Variants in CCR1 observed in about 807,000 individuals in gnomAD.
The protein encoded by CCR1 is C-C chemokine receptor type 1.
Under a neutral mutation model 0.3 loss-of-function variants are expected in CCR1, and 1 was observed. That is an observed-to-expected ratio of 3.70 (90% CI 1.31 to 17.54). The LOEUF is 17.54. CCR1 is among the 30% of genes most tolerant of loss of function. The pLI is 0.11. For synonymous variants in CCR1, 207 were observed against 182.5 expected (o/e 1.13, Z -1.08); for missense variants, 349 against 435.4 (o/e 0.80, Z 1.77).
rs146488613 is a variant in CCR1, at chr3:46,203,957, G to A, written c.357C>T (p.Ser119=). 149 of 1,614,128 alleles carry A rather than the reference G, an allele frequency of 9.2e-5. 1 individual carries two copies. The highest frequency in any genetic ancestry group is 6.6e-4 in the Middle Eastern group (4 of 6,062). Residue 119 remains serine (S), a synonymous_variant, in exon 2 of 2, where the codon AGC becomes AGT. Coordinates refer to ENST00000296140, the MANE Select transcript of CCR1 (RefSeq NM_001295.3). The surrounding 1 kb of genome is among the most constrained non-coding windows in gnomAD (Gnocchi z 4.5). ...LSGFYYTGLY[S]EIFFIILLTI... is the part of the protein sequence containing the mutation. ...TCAGCAGGATGATGAAAAAGATCTCGCTGTACAAGCCTGTGTAATAAAACC... is the reference window on the plus strand; with the variant it reads ...TCAGCAGGATGATGAAAAAGATCTCACTGTACAAGCCTGTGTAATAAAACC...
chr3:46,205,312 G>A (rs908138425), intron 1 of CCR1, among the ~76,000 whole-genome samples: 1 of 152,166 alleles, frequency 6.6e-6, no homozygotes, highest in Admixed American at 6.5e-5. Context: ...GGAGAGGAAA[G>A]TGCAGGCAGA....
chr3:46,203,488 T>A lies in CCR1; in HGVS notation c.826A>T (p.Ser276Cys). ...TGCACAGCCAGGTCCAAATGTCTGC[T>A]CTGCTCACACTCATGGGTGAACAGG... is the stretch of plus-strand genomic sequence containing the variant. ...DFLFTHECEQ[S>C]RHLDLAVQVT... Residue 276 changes from serine (S) to cysteine (C), a missense_variant, in exon 2 of 2, where the codon AGC (serine) becomes TGC (cysteine). Coordinates refer to ENST00000296140, the MANE Select transcript of CCR1 (RefSeq NM_001295.3). The surrounding 1 kb of genome is among the most constrained non-coding windows in gnomAD (Gnocchi z 4.5). 6.2e-7 allele frequency: 1 copy of A among 1,614,154 alleles called. No individual in the cohort carries two copies. The highest frequency in any genetic ancestry group is 8.5e-7 in the Non-Finnish European group (1 of 1,180,002).
rs1699623769 is a variant in CCR1, at chr3:46,203,992, T to C, written c.322A>G (p.Ile108Val). 6.2e-7 allele frequency: 1 copy of C among 1,614,092 alleles called. No individual in the cohort carries two copies. Among genetic ancestry groups the C allele is most frequent in the Non-Finnish European group, 8.5e-7 (1 of 1,180,028 alleles). ...DWVFGDAMCK[I>V]LSGFYYTGLY... ...CCTGTGTAATAAAACCCAGAGAGGA[T>C]CTTACACATGGCATCACCAAAAACC... The change falls in exon 2 of 2, where the codon ATC becomes GTC. Residue 108 changes from isoleucine to valine, a missense_variant. Physicochemically the swap from Ile to Val is conservative, Grantham distance 29 (BLOSUM62 3). Coordinates refer to ENST00000296140, the MANE Select transcript of CCR1 (RefSeq NM_001295.3). The surrounding 1 kb of genome is among the most constrained non-coding windows in gnomAD (Gnocchi z 4.5).
chr3:46,206,760 G>T (rs1271064748), intron 1 of CCR1, among the ~76,000 whole-genome samples: 1 of 152,150 alleles, frequency 6.6e-6, no homozygotes, highest in Non-Finnish European at 1.5e-5. Flanking sequence ...ATCTGGGGTG[G>T]GGCCCGAGAA....
In CCR1 at chr3:46,204,164, A is replaced by T; in HGVS notation, c.150T>A (p.Val50=). 1.2e-6 allele frequency: 2 copies of T among 1,614,122 alleles called. No homozygotes were observed. Among genetic ancestry groups the T allele is most frequent in the Non-Finnish European group, 1.7e-6 (2 of 1,180,024 alleles). The change falls in exon 2 of 2, where the codon GTT becomes GTA. Residue 50 remains valine (V), a synonymous_variant. Coordinates refer to ENST00000296140, the MANE Select transcript of CCR1 (RefSeq NM_001295.3). ...LYSLVFVIGL[V]GNILVVLVLV... ...GGACCAGGACCACCAGGATGTTTCCAACCAGGCCAATGACAAATACCAAGG... is the reference window on the plus strand; with the variant it reads ...GGACCAGGACCACCAGGATGTTTCCTACCAGGCCAATGACAAATACCAAGG...
At position 46,203,909 on chromosome 3, in the gene CCR1, G is replaced by A. The variant is rs201656427; in HGVS notation, c.405C>T (p.Ile135=). Residue 135 remains isoleucine (I), a synonymous_variant, in exon 2 of 2, where the codon ATC becomes ATT. Transcript: ENST00000296140. The surrounding 1 kb of genome is among the most constrained non-coding windows in gnomAD (Gnocchi z 4.5). Reference sequence around the variant, plus strand: ...CCCGCAAGGCAAACACGGCGTGGACGATGGCCAGGTACCTGTCAATCGTCA... The same window carrying A: ...CCCGCAAGGCAAACACGGCGTGGACAATGGCCAGGTACCTGTCAATCGTCA... The part of the protein sequence containing the change: ...ILLTIDRYLA[I]VHAVFALRAR... The A allele has an allele frequency of 3.7e-6, 6 of 1,614,182 alleles. No individual in the cohort carries two copies. The highest frequency in any genetic ancestry group is 1.7e-4 in the Middle Eastern group (1 of 6,060).
chr3:46,207,583 C>T (rs1699657544), intron 1 of CCR1, among the ~76,000 whole-genome samples: 1 of 152,144 alleles, frequency 6.6e-6, no homozygotes, highest in Non-Finnish European at 1.5e-5. Flanking sequence ...TAATATTTCC[C>T]TCTTGCTATA....
chr3:46,207,703 G>C (rs1699658628), intron 1 of CCR1, among the ~76,000 whole-genome samples: 2 of 150,714 alleles, frequency 1.3e-5, no homozygotes, highest in Admixed American at 6.6e-5. Context: ...GGAGTGTAGT[G>C]GTGCAATCTC....
rs200415339 is a variant in CCR1 at position 46,202,201 on chromosome 3, C to G, written c.*1045G>C. The G allele has an allele frequency of 6.6e-6, 1 of 151,740 alleles. No homozygotes were observed. The highest frequency in any genetic ancestry group is 1.5e-5 in the Non-Finnish European group (1 of 67,994). 9.4% of individuals were successfully genotyped at this position (151,740 alleles called of 1,614,324 possible). ...CAGCTACAAATACTGTCAGCTTACA[C>G]AGCAGGCCTTATTATTATTATTATT... On this transcript the variant is annotated 3_prime_UTR_variant, in exon 2 of 2. Coordinates refer to ENST00000296140, the MANE Select transcript of CCR1 (RefSeq NM_001295.3).
rs1382575929 is a variant in CCR1 at position 46,203,951 on chromosome 3, G to T, written c.363C>A (p.Ile121=). 1.2e-6 allele frequency: 2 copies of T among 1,614,182 alleles called. No individual in the cohort carries two copies. Among genetic ancestry groups the T allele is most frequent in the Non-Finnish European group, 1.7e-6 (2 of 1,180,036 alleles). ...GFYYTGLYSE[I]FFIILLTIDR... is the part of the protein sequence containing the mutation. ...CAATCGTCAGCAGGATGATGAAAAA[G>T]ATCTCGCTGTACAAGCCTGTGTAAT... The change falls in exon 2 of 2, where the codon ATC becomes ATA. Residue 121 remains isoleucine (I), a synonymous_variant. Coordinates refer to ENST00000296140, the MANE Select transcript of CCR1 (RefSeq NM_001295.3). The surrounding 1 kb of genome is among the most constrained non-coding windows in gnomAD (Gnocchi z 4.5).
At chr3:46,207,663 T>G (rs932890872) in intron 1 of CCR1, among the ~76,000 whole-genome samples, 1 of 141,172 alleles carries the variant, frequency 7.1e-6, no homozygotes, top group South Asian at 2.3e-4. Flanking sequence ...TTTTTTTTTT[T>G]CAGACAGACT....
In CCR1 at chr3:46,202,358, A is replaced by G. The variant is rs1392726578; in HGVS notation, c.*888T>C. On this transcript the variant is annotated 3_prime_UTR_variant, in exon 2 of 2. Transcript: ENST00000296140. ...TGCCTGTTATTAATCGCTGCAATAAAGCCATTAGAATCTACCAACATATCA... is the reference window on the plus strand; with the variant it reads ...TGCCTGTTATTAATCGCTGCAATAAGGCCATTAGAATCTACCAACATATCA... The G allele has an allele frequency of 1.3e-5, 2 of 152,138 alleles. No individual in the cohort carries two copies. The allele number at this position is 152,138 out of a possible 1,614,324, so 9.4% of individuals were successfully genotyped here.
Position 46,203,519 on chromosome 3 carries a change from T to C in CCR1, c.795A>G (p.Gln265=). 1.2e-6 allele frequency: 2 copies of C among 1,614,122 alleles called. No individual in the cohort carries two copies. The highest frequency in any genetic ancestry group is 2.2e-5 in the South Asian group (2 of 91,082). ...CACACTCATGGGTGAACAGGAAGTC[T>C]TGGAAAACAGAAATAAGTATAGTCA... is the stretch of plus-strand genomic sequence containing the variant. The part of the protein sequence containing the change: ...YNLTILISVF[Q]DFLFTHECEQ... Residue 265 remains glutamine, a synonymous_variant, in exon 2 of 2, where the codon CAA becomes CAG. Coordinates refer to ENST00000296140, the MANE Select transcript of CCR1 (RefSeq NM_001295.3). The surrounding 1 kb of genome is among the most constrained non-coding windows in gnomAD (Gnocchi z 4.5).
intron 1 of CCR1, among the ~76,000 whole-genome samples, chr3:46,207,700 A>G (rs1699658589): frequency 6.8e-6 from 1 of 147,588 alleles, no homozygotes. Context: ...GCTGGAGTGT[A>G]GTGGTGCAAT....
At chr3:46,204,431 T>A in intron 1 of CCR1, 107 bp from the exon 2 acceptor site, 1 of 697,482 alleles carries the variant, frequency 1.4e-6, no homozygotes, top group Non-Finnish European at 2.3e-6. Flanking sequence ...AGCCACTCCA[T>A]AAATGTTTAT....
chr3:46,203,282 G>A lies in CCR1; in HGVS notation c.1032C>T (p.Pro344=). The change falls in exon 2 of 2, where the codon CCC becomes CCT. Residue 344 remains proline (P), a synonymous_variant. Transcript: ENST00000296140. The surrounding 1 kb of genome is among the most constrained non-coding windows in gnomAD (Gnocchi z 4.5). ...DRLERVSSTS[P]STGEHELSAG... The stretch of plus-strand genomic sequence containing the variant: ...CAGAGAGTTCATGCTCCCCTGTGGA[G>A]GGAGATGTGGAGCTGACCCTCTCCA... 6.2e-7 allele frequency: 1 copy of A among 1,614,094 alleles called. No individual in the cohort carries two copies. Among genetic ancestry groups the A allele is most frequent in the Non-Finnish European group, 8.5e-7 (1 of 1,179,966 alleles).
chr3:46,203,566 G>GA lies in CCR1; in HGVS notation c.747dup (p.Leu250SerfsTer23). The GA allele has an allele frequency of 2.5e-6, 4 of 1,614,074 alleles. No homozygotes were observed. The highest frequency in any genetic ancestry group is 3.4e-6 in the Non-Finnish European group (4 of 1,179,986). On this transcript the variant is annotated frameshift_variant, in exon 2 of 2. Transcript: ENST00000296140. LOFTEE classifies it low-confidence loss of function (END_TRUNC). This position sits in a 1 kb window ranked among gnomAD's most constrained non-coding sequence, Gnocchi z 4.5. ...GTCAAATTGTAGGGGGTCCAAAAGA[G>GA]AAAAAAGATGATCATGATGACAAAA...
In CCR1 at chr3:46,203,671, T is replaced by C; in HGVS notation, c.643A>G (p.Met215Val). 1 of 1,614,230 alleles carries C rather than the reference T, an allele frequency of 6.2e-7. No individual in the cohort carries two copies. The highest frequency in any genetic ancestry group is 8.5e-7 in the Non-Finnish European group (1 of 1,180,032). Reference sequence around the variant, plus strand: ...ATAATCCCTGTGTAGCAGATGATCATGACCAACAAAGGCAATACCAGCCCA... The same window carrying C: ...ATAATCCCTGTGTAGCAGATGATCACGACCAACAAAGGCAATACCAGCCCA... ...LFGLVLPLLV[M>V]IICYTGIIKI... The change falls in exon 2 of 2, where the codon ATG (methionine) becomes GTG (valine). Residue 215 changes from methionine to valine, a missense_variant. By Grantham distance (21) the Met-to-Val change is conservative. Coordinates refer to ENST00000296140, the MANE Select transcript of CCR1 (RefSeq NM_001295.3). This position sits in a 1 kb window ranked among gnomAD's most constrained non-coding sequence, Gnocchi z 4.5.
At position 46,203,267 on chromosome 3, in the gene CCR1, A is replaced by C; in HGVS notation, c.1047T>G (p.His349Gln). The C allele has an allele frequency of 6.2e-7, 1 of 1,613,702 alleles. No individual in the cohort carries two copies. Among genetic ancestry groups the C allele is most frequent in the Non-Finnish European group, 8.5e-7 (1 of 1,179,740 alleles). Residue 349 changes from histidine to glutamine, a missense_variant, in exon 2 of 2, where the codon CAT becomes CAG. His to Gln is a conservative substitution (Grantham distance 24). Coordinates refer to ENST00000296140, the MANE Select transcript of CCR1 (RefSeq NM_001295.3). The surrounding 1 kb of genome is among the most constrained non-coding windows in gnomAD (Gnocchi z 4.5). ...TGAGTCAGAACCCAGCAGAGAGTTC[A>C]TGCTCCCCTGTGGAGGGAGATGTGG... is the stretch of plus-strand genomic sequence containing the variant. ...VSSTSPSTGEHELSAGF is the reference protein window; with the variant it reads ...VSSTSPSTGEQELSAGF
Sources: gnomAD v4.1 joint callset for allele counts (sites outside exome capture counted in the v4.1 genomes callset) on GRCh38, gnomAD v4.1.1 for gene constraint, Gnocchi (gnomAD v3.1) non-coding constraint, MANE v1.5 for transcripts, NCBI Gene and HGNC (gene_info 2026-07-23, HGNC 2026-07-21) for gene names.